Variants in AKR1B15 observed in about 807,000 individuals in gnomAD.
AKR1B15 encodes estradiol 17-beta-dehydrogenase AKR1B15.
A neutral mutation model predicts 38.5 loss-of-function variants in AKR1B15; 49 were observed. That is an observed-to-expected ratio of 1.27 (90% CI 1.01 to 1.62). The LOEUF (loss-of-function observed/expected upper bound fraction) is 1.62. Ranked by LOEUF, AKR1B15 falls within the 40% of genes most tolerant of loss-of-function variation. The probability of loss-of-function intolerance (pLI) is 0.00; values close to 1 mark genes in which losing one functional copy is unlikely to be tolerated. For missense variants in AKR1B15, 411 were observed against 381.6 expected, an observed-to-expected ratio of 1.08 and a Z score of -0.64; for synonymous variants, 137 against 135.5, an observed-to-expected ratio of 1.01 and a Z score of -0.08.
chr7:134,560,517 G>C (rs961433268), intron 2 of AKR1B15, among the ~76,000 whole-genome samples: 1 of 152,154 alleles, frequency 6.6e-6, no homozygotes, highest in African/African-American at 2.4e-5. Flanking sequence ...CACGAAAACA[G>C]CTAATAGATA....
chr7:134,568,425 AC>A, intron 4 of AKR1B15, 100 bp downstream of exon 4: 1 of 1,498,768 alleles, frequency 6.7e-7, no homozygotes, highest in East Asian at 2.3e-5. Flanking sequence ...TTCTACGTGT[AC>A]CCGTTTTCAT....
intron 9 of AKR1B15, among the ~76,000 whole-genome samples, chr7:134,576,654 C>T (rs538167494): frequency 6.6e-6 from 1 of 151,944 alleles, no homozygotes; most frequent in African/African-American, 2.4e-5. Context: ...GCCCTACAGC[C>T]CAGTGGCAAA....
chr7:134,578,683 C>T (rs928562823), intron 11 of AKR1B15, among the ~76,000 whole-genome samples: 1 of 152,174 alleles, frequency 6.6e-6, no homozygotes, highest in African/African-American at 2.4e-5. Flanking sequence ...TTTGTGTAGC[C>T]AAAAATGATT....
chr7:134,555,598 T>A (rs549254136), intron 1 of AKR1B15, among the ~76,000 whole-genome samples: 1 of 152,142 alleles, frequency 6.6e-6, no homozygotes, highest in Non-Finnish European at 1.5e-5. Context: ...CATGACAGGA[T>A]GTGTGTTTGC....
intron 4 of AKR1B15, among the ~76,000 whole-genome samples, chr7:134,568,786 A>T (rs1233875977): frequency 6.6e-6 from 1 of 152,168 alleles, no homozygotes; most frequent in African/African-American, 2.4e-5. Context: ...GTTGAGGTAT[A>T]CAATGTTATA....
At chr7:134,555,632 C>T (rs1274617485) in intron 1 of AKR1B15, among the ~76,000 whole-genome samples, 3 of 152,012 alleles carry the variant, frequency 2.0e-5, no homozygotes, top group Non-Finnish European at 4.4e-5. Context: ...AAGGTGGGAC[C>T]CTCCAAGGAA....
At chr7:134,569,858 T>C (rs1258506341) in intron 5 of AKR1B15, 2 of 263,666 alleles carry the variant, frequency 7.6e-6, no homozygotes, top group Admixed American at 9.5e-5. Context: ...GACCCTGTGA[T>C]GATTGCATTA....
At chr7:134,553,434 C>T (rs1289569088) in intron 1 of AKR1B15, among the ~76,000 whole-genome samples, 1 of 152,306 alleles carries the variant, frequency 6.6e-6, no homozygotes, top group African/African-American at 2.4e-5. Flanking sequence ...GACTTTAGGG[C>T]CATGGCAACA....
chr7:134,551,660 A>G lies in AKR1B15; in HGVS notation c.-147+2411A>G, dbSNP rs1453226463. ...CAGACAAAGCATCAAAAAGACAGGCAAAAAGCTTAGTGGCTGCCATCCAAG... is the reference window on the plus strand; with the variant it reads ...CAGACAAAGCATCAAAAAGACAGGCGAAAAGCTTAGTGGCTGCCATCCAAG... On this transcript the variant is annotated intron_variant, in intron 1 of 11. Transcript: ENST00000457545. Among the ~76,000 whole-genome samples, 3 of 152,322 alleles carry G rather than the reference A, an allele frequency of 2.0e-5. No individual in the cohort carries two copies. In the South Asian group the frequency reaches 6.2e-4, roughly 32 times the overall value.
At chr7:134,552,077 T>C (rs528701030) in intron 1 of AKR1B15, among the ~76,000 whole-genome samples, 2 of 152,302 alleles carry the variant, frequency 1.3e-5, no homozygotes, top group South Asian at 4.1e-4. Context: ...ACTGGAGCTA[T>C]TCAGGAATAT....
At chr7:134,565,649 T>G in intron 3 of AKR1B15, 1 of 1,534,610 alleles carries the variant, frequency 6.5e-7, no homozygotes, top group Non-Finnish European at 8.8e-7. Context: ...GGTAGGGGTT[T>G]GGAGAGGTGA....
intron 6 of AKR1B15, among the ~76,000 whole-genome samples, chr7:134,572,333 G>A (rs922331368): frequency 6.6e-5 from 10 of 152,132 alleles, no homozygotes; most frequent in African/African-American, 2.4e-4. Flanking sequence ...ATGGTGCTTG[G>A]TAAGCAGTGA....
chr7:134,577,430 C>T (rs1375053154), intron 10 of AKR1B15, among the ~76,000 whole-genome samples: 1 of 152,318 alleles, frequency 6.6e-6, no homozygotes, highest in African/African-American at 2.4e-5. Context: ...TCTAGAAGCA[C>T]CTGTCATGGA....
intron 2 of AKR1B15, among the ~76,000 whole-genome samples, chr7:134,560,946 T>C (rs1027039473): frequency 6.6e-6 from 1 of 152,234 alleles, no homozygotes; most frequent in Non-Finnish European, 1.5e-5. Flanking sequence ...ATCCTCATTT[T>C]TTCCTTAAAA....
chr7:134,559,836 G>T (rs1157168228), intron 2 of AKR1B15, among the ~76,000 whole-genome samples: 3 of 152,116 alleles, frequency 2.0e-5, no homozygotes, highest in Non-Finnish European at 2.9e-5. Flanking sequence ...TATGCCAGGT[G>T]CAGTGGCTCA....
chr7:134,577,788 T>C lies in AKR1B15; in HGVS notation c.992+2T>C. ...CTGGAGGGCCTTTGACTTCAAGGAG[T>C]AAGTGGCATGGAGTTAACTAGAAGA... On this transcript the variant is annotated splice_donor_variant, in intron 11 of 11. Transcript: ENST00000457545. LOFTEE classifies it high-confidence loss of function. The C allele has an allele frequency of 6.2e-7, 1 of 1,613,598 alleles. No individual in the cohort carries two copies. The highest frequency in any genetic ancestry group is 8.5e-7 in the Non-Finnish European group (1 of 1,179,854).
intron 3 of AKR1B15, among the ~76,000 whole-genome samples, chr7:134,567,331 T>C (rs1387631073): frequency 6.6e-6 from 1 of 152,206 alleles, no homozygotes; most frequent in African/African-American, 2.4e-5. Context: ...TTCCTTCCCT[T>C]CTTTCTCTCC....
intron 3 of AKR1B15, chr7:134,565,570 A>C (rs4732038): frequency 0.51 from 827,308 of 1,612,442 alleles, 213,468 homozygotes; most frequent in African/African-American, 0.57. Flanking sequence ...TCTTTGCACA[A>C]CTTTCTTCTC....
chr7:134,576,959 A>T lies in AKR1B15; in HGVS notation c.826-4A>T. ...TGGAAACATGATGTCCCCTTTCTGCACAGGTTCTGATCCGTTTCCATATCC... is the reference window on the plus strand; with the variant it reads ...TGGAAACATGATGTCCCCTTTCTGCTCAGGTTCTGATCCGTTTCCATATCC... On this transcript the variant is annotated splice_polypyrimidine_tract_variant and splice_region_variant and intron_variant, in intron 9 of 11. Transcript: ENST00000457545. 1 of 1,613,004 alleles carries T rather than the reference A, an allele frequency of 6.2e-7. No homozygotes were observed. Among genetic ancestry groups the T allele is most frequent in the Non-Finnish European group, 8.5e-7 (1 of 1,179,022 alleles).
Sources: gnomAD v4.1 joint callset for allele counts (sites outside exome capture counted in the v4.1 genomes callset) on GRCh38, gnomAD v4.1.1 for gene constraint, MANE v1.5 for transcripts, NCBI Gene and HGNC (gene_info 2026-07-23, HGNC 2026-07-21) for gene names.